Variants in ATP7A observed in about 807,000 individuals in gnomAD.
ATP7A encodes copper-transporting ATPase 1.
ATP7A carries 7 observed loss-of-function variants against 83.5 expected under a neutral mutation model. That is an observed-to-expected ratio of 0.08 (90% CI 0.05 to 0.16). ATP7A has a LOEUF of 0.16. Among genes scored for constraint, ATP7A ranks in the 10% least tolerant of loss-of-function variants. The pLI, the probability that ATP7A is intolerant of heterozygous loss-of-function variation, is 1.00. For missense variants in ATP7A, 940 were observed against 1,120.8 expected (o/e 0.84, Z 2.30); for synonymous variants, 354 against 395.2 (o/e 0.90, Z 1.24).
chrX:78,026,628 G>A (rs1324159063), intron 14 of ATP7A, among the ~76,000 whole-genome samples: 1 of 111,801 alleles, frequency 8.9e-6, no homozygotes, highest in Non-Finnish European at 1.9e-5. Flanking sequence ...TAACCACAGA[G>A]TATATATTCT....
intron 1 of ATP7A, among the ~76,000 whole-genome samples, chrX:77,952,096 C>T (rs2077416727): frequency 1.8e-5 from 2 of 111,857 alleles, no homozygotes; most frequent in Admixed American, 9.5e-5. Flanking sequence ...TATCCATTCA[C>T]CTACTAAAGG....
At chrX:78,038,798 T>C (rs781938023) in intron 17 of ATP7A, 38 bp from the exon 18 acceptor site, 12 of 1,200,006 alleles carry the variant, frequency 1.0e-5, no homozygotes, top group South Asian at 1.8e-5. Context: ...TAAAGATTAA[T>C]TGAACTTACT....
At chrX:77,932,237 C>G (rs1251288997) in intron 1 of ATP7A, among the ~76,000 whole-genome samples, 3 of 108,809 alleles carry the variant, frequency 2.8e-5, no homozygotes, top group East Asian at 6.0e-4. Context: ...GGGTCGCGGC[C>G]GGGCAGAGGC....
chrX:78,014,615 A>C, intron 10 of ATP7A, 47 bp from the exon 11 acceptor site: 1 of 1,016,835 alleles, frequency 9.8e-7, no homozygotes, highest in Non-Finnish European at 1.4e-6. Context: ...TTAAGACCTG[A>C]ACTTTTTCTT....
chrX:77,998,830 C>A, intron 5 of ATP7A, 146 bp downstream of exon 5: 1 of 631,133 alleles, frequency 1.6e-6, no homozygotes, highest in Non-Finnish European at 2.5e-6. Context: ...CCCCGATGTC[C>A]TGGAAGCCTT....
chrX:77,998,710 T>C (rs1557232822), intron 5 of ATP7A, 26 bp downstream of exon 5: 2 of 1,190,472 alleles, frequency 1.7e-6, no homozygotes, highest in Admixed American at 4.3e-5. Flanking sequence ...AGCTTGTTAT[T>C]TTATGTGCTA....
intron 1 of ATP7A, among the ~76,000 whole-genome samples, chrX:77,956,541 G>T (rs1557227359): frequency 2.7e-5 from 3 of 110,918 alleles, no homozygotes; most frequent in African/African-American, 9.8e-5. Context: ...GTTCACATGA[G>T]ATCTGGTTGT....
At chrX:78,028,007 ATTTATT>A (rs1337825691) in intron 14 of ATP7A, among the ~76,000 whole-genome samples, 28 of 105,907 alleles carry the variant, frequency 2.6e-4, no homozygotes, top group African/African-American at 9.5e-4. Flanking sequence ...TTATTTATTT[ATTTATT>A]TATTTATTTA....
At position 77,971,604 on chromosome X, in the gene ATP7A, T is replaced by G; in HGVS notation, c.-21-17T>G. 2 of 1,204,703 alleles carry G rather than the reference T, an allele frequency of 1.7e-6. No individual in the cohort carries two copies. The highest frequency in any genetic ancestry group is 2.2e-6 in the Non-Finnish European group (2 of 889,207). The stretch of plus-strand genomic sequence containing the variant: ...TATTTGCATGGCTGAAATTAATGAA[T>G]TTATTGTTTCTAACAGGAATGTAAT... On this transcript the variant is annotated splice_polypyrimidine_tract_variant and intron_variant, in intron 1 of 22. Transcript: ENST00000341514.
chrX:77,966,995 A>T, intron 1 of ATP7A: 2 of 253,896 alleles, frequency 7.9e-6, no homozygotes, highest in Non-Finnish European at 1.5e-5. Context: ...GAACAAGAAC[A>T]TGCAGCATTT....
intron 1 of ATP7A, among the ~76,000 whole-genome samples, chrX:77,965,691 A>G (rs2077501066): frequency 1.8e-5 from 2 of 112,142 alleles, no homozygotes; most frequent in Non-Finnish European, 3.8e-5. Flanking sequence ...AAGTTTGTAC[A>G]TGAATGTTTA....
At position 77,957,790 on chromosome X, in the gene ATP7A, C is replaced by A. The variant is rs916500950; in HGVS notation, c.-21-13831C>A. On this transcript the variant is annotated intron_variant, in intron 1 of 22. Transcript: ENST00000341514. The stretch of plus-strand genomic sequence containing the variant: ...AGATTTTATATTTAAGCATTTAATC[C>A]ATTTTGAGTAGATTTTTGTATATGA... Among the ~76,000 whole-genome samples the A allele has an allele frequency of 3.6e-5, 4 of 110,705 alleles. No individual in the cohort carries two copies. The East Asian group carries it at 8.6e-4, about 24-fold the overall frequency.
At chrX:77,925,568 C>T (rs1038646002) in intron 1 of ATP7A, among the ~76,000 whole-genome samples, 30 of 110,930 alleles carry the variant, frequency 2.7e-4, no homozygotes, top group African/African-American at 8.5e-4. Flanking sequence ...CACAGTTTTC[C>T]GAATGCAGTT....
rs2078057443 is a variant in ATP7A at position 78,042,612 on chromosome X, G to A, written c.3829G>A (p.Val1277Ile). 1 of 1,211,956 alleles carries A rather than the reference G, an allele frequency of 8.3e-7. No homozygotes were observed. The highest frequency in any genetic ancestry group is 1.1e-6 in the Non-Finnish European group (1 of 895,545). The change falls in exon 20 of 23, where the codon GTT becomes ATT. Residue 1277 changes from valine (V) to isoleucine (I), a missense_variant. Physicochemically the swap from Val to Ile is conservative, Grantham distance 29 (BLOSUM62 3). Coordinates refer to ENST00000341514, the MANE Select transcript of ATP7A (RefSeq NM_000052.7). Reference sequence around the variant, plus strand: ...TGGCATTACTAAGGTGTTTGCTGAAGTTCTACCTTCTCACAAGGTTGCTAA... The same window carrying A: ...TGGCATTACTAAGGTGTTTGCTGAAATTCTACCTTCTCACAAGGTTGCTAA... ...QVGITKVFAE[V>I]LPSHKVAKVK...
rs2078102366 is a variant in ATP7A at position 78,049,630 on chromosome X, A to G, written c.*3060A>G. On this transcript the variant is annotated 3_prime_UTR_variant, in exon 23 of 23. Coordinates refer to ENST00000341514, the MANE Select transcript of ATP7A (RefSeq NM_000052.7). Reference sequence around the variant, plus strand: ...TCCTAGTTTAGTATCAACATTTTAGAATGTCAAATTTGATGCCTTGTGAAC... The same window carrying G: ...TCCTAGTTTAGTATCAACATTTTAGGATGTCAAATTTGATGCCTTGTGAAC... 1 of 112,711 alleles carries G rather than the reference A, an allele frequency of 8.9e-6. No homozygotes were observed. Among genetic ancestry groups the G allele is most frequent in the Non-Finnish European group, 1.9e-5 (1 of 53,197 alleles). 9.3% of individuals were successfully genotyped at this position (112,711 alleles called of 1,213,427 possible). A position where few individuals can be genotyped will look rare whatever the true frequency, so the allele number is the denominator to read the frequency against.
Position 78,047,740 on chromosome X carries a change from TC to T in ATP7A, c.*1171del, listed in dbSNP as rs2078091735. The T allele has an allele frequency of 9.0e-6, 1 of 111,282 alleles. No individual in the cohort carries two copies. Among genetic ancestry groups the T allele is most frequent in the African/African-American group, 3.3e-5 (1 of 30,579 alleles). 9.2% of individuals were successfully genotyped at this position (111,282 alleles called of 1,213,427 possible). A position where few individuals can be genotyped will look rare whatever the true frequency, so the allele number is the denominator to read the frequency against. The stretch of plus-strand genomic sequence containing the variant: ...GCCTGCCACCACACCCGGCTAATTT[TC>T]ATATTTTTCAGTAGAGACGGGGTTT... On this transcript the variant is annotated 3_prime_UTR_variant, in exon 23 of 23. Coordinates refer to ENST00000341514, the MANE Select transcript of ATP7A (RefSeq NM_000052.7).
At chrX:78,033,031 G>C (rs1053051249) in intron 16 of ATP7A, among the ~76,000 whole-genome samples, 14 of 112,338 alleles carry the variant, frequency 1.2e-4, no homozygotes, top group Admixed American at 9.4e-5. Flanking sequence ...TTATCTACTG[G>C]AAAGAGCAGA....
intron 2 of ATP7A, 72 bp from the exon 3 acceptor site, chrX:77,988,170 G>A: frequency 9.3e-7 from 1 of 1,075,384 alleles, no homozygotes. Context: ...TGAATGTGGT[G>A]TGATGATTAT....
intron 1 of ATP7A, among the ~76,000 whole-genome samples, chrX:77,956,787 CTCTT>C (rs1477191054): frequency 1.9e-5 from 1 of 53,777 alleles, no homozygotes; most frequent in Non-Finnish European, 3.7e-5. Flanking sequence ...TTCTTTCTTT[CTCTT>C]TCTTTCTTTT....
Sources: allele counts gnomAD v4.1 joint callset (sites outside exome capture counted in the v4.1 genomes callset), GRCh38; gene constraint gnomAD v4.1.1; transcripts MANE v1.5; gene names NCBI Gene and HGNC (gene_info 2026-07-23, HGNC 2026-07-21).